Variants in ADGRB3 observed in about 807,000 individuals in gnomAD.
The protein encoded by ADGRB3 is brain-specific angiogenesis inhibitor 3.
Under a neutral mutation model 193.4 loss-of-function variants are expected in ADGRB3, and 37 were observed. The observed-to-expected ratio is 0.19, with a 90% CI of 0.15 to 0.25. ADGRB3 has a LOEUF of 0.25. ADGRB3 is among the 10% of genes least tolerant of loss of function. ADGRB3 has a pLI of 1.00. For synonymous variants in ADGRB3, 690 were observed against 644.2 expected (o/e 1.07, Z -1.08); for missense variants, 1,637 against 1,852.9 (o/e 0.88, Z 2.14).
chr6:69,362,993 G>A (rs1769485205), intron 29 of ADGRB3, among the ~76,000 whole-genome samples: 3 of 151,922 alleles, frequency 2.0e-5, no homozygotes, highest in South Asian at 4.1e-4. Flanking sequence ...TCTTTTAAAT[G>A]TGTTAAAGGG....
chr6:69,230,071 G>T (rs762970362), intron 17 of ADGRB3, among the ~76,000 whole-genome samples: 5 of 152,116 alleles, frequency 3.3e-5, no homozygotes, highest in Non-Finnish European at 5.9e-5. Context: ...AGAATGGGTT[G>T]TATGGAATTT....
chr6:69,373,013 CAATTTACATTG>C (rs1361848822), intron 30 of ADGRB3, among the ~76,000 whole-genome samples: 1 of 151,806 alleles, frequency 6.6e-6, no homozygotes, highest in African/African-American at 2.4e-5. Context: ...TTTCATTTTC[CAATTTACATTG>C]AATTTATATT....
chr6:69,312,206 A>G (rs1055543020), intron 20 of ADGRB3, among the ~76,000 whole-genome samples: 2 of 151,730 alleles, frequency 1.3e-5, no homozygotes, highest in African/African-American at 2.4e-5. Flanking sequence ...TGGAGTTTCT[A>G]TATCATTATT....
chr6:69,218,448 A>G (rs1424364474), intron 17 of ADGRB3, among the ~76,000 whole-genome samples: 1 of 152,206 alleles, frequency 6.6e-6, no homozygotes, highest in Non-Finnish European at 1.5e-5. Context: ...GAGAAGGTGC[A>G]TAAATGTGAA....
At chr6:68,867,711 C>A (rs1765335590) in intron 3 of ADGRB3, among the ~76,000 whole-genome samples, 3 of 152,174 alleles carry the variant, frequency 2.0e-5, no homozygotes, top group Admixed American at 2.0e-4. Flanking sequence ...CTGCCCAAGG[C>A]TTTGGGAGGC....
At chr6:69,135,329 GC>G (rs1774121179) in intron 17 of ADGRB3, among the ~76,000 whole-genome samples, 1 of 151,206 alleles carries the variant, frequency 6.6e-6, no homozygotes, top group African/African-American at 2.4e-5. Context: ...ATTACAGCAA[GC>G]CTCTTTAAAT....
intron 17 of ADGRB3, among the ~76,000 whole-genome samples, chr6:69,207,128 A>C (rs1396238032): frequency 1.3e-5 from 2 of 152,124 alleles, no homozygotes; most frequent in African/African-American, 4.8e-5. Flanking sequence ...GAGGAGCCCA[A>C]AGTCTTAACT....
At chr6:68,949,068 T>A (rs201712003) in intron 6 of ADGRB3, among the ~76,000 whole-genome samples, 2 of 152,120 alleles carry the variant, frequency 1.3e-5, no homozygotes, top group Non-Finnish European at 2.9e-5. Context: ...CTTTGAATAG[T>A]AAAAAATCGA....
intron 17 of ADGRB3, among the ~76,000 whole-genome samples, chr6:69,219,022 C>G (rs553502593): frequency 6.6e-6 from 1 of 152,130 alleles, no homozygotes; most frequent in Admixed American, 6.5e-5. Flanking sequence ...CTCAGTCTGT[C>G]TCTTAGAGTG....
intron 15 of ADGRB3, among the ~76,000 whole-genome samples, chr6:69,057,276 T>C (rs1771571653): frequency 6.6e-6 from 1 of 152,126 alleles, no homozygotes; most frequent in African/African-American, 2.4e-5. Context: ...GTTCTTTAAT[T>C]ATAACAAGAT....
rs190861458 is a variant in ADGRB3, at chr6:68,845,497, T to C, written c.758-85062T>C. On this transcript the variant is annotated intron_variant, in intron 3 of 31. Transcript: ENST00000370598. ...TGGTTTGGCTGTGTCCCCATCCAAA[T>C]CTGAACTTGAATTGTATCTCCCAGA... Among the ~76,000 whole-genome samples the C allele has an allele frequency of 2.0e-5, 3 of 152,242 alleles. No individual in the cohort carries two copies. In the East Asian group the frequency reaches 5.8e-4, roughly 29 times the overall value.
chr6:69,088,523 C>A lies in ADGRB3; in HGVS notation c.2480+12485C>A, dbSNP rs994554678. ...AAGTAGCTGGGACTACAGGCAGGTG[C>A]CACCACGCCTGGCTAATTTTTTGTA... On this transcript the variant is annotated intron_variant, in intron 17 of 31. Coordinates refer to ENST00000370598, the MANE Select transcript of ADGRB3 (RefSeq NM_001704.3). Among the ~76,000 whole-genome samples, 19 of 152,192 alleles carry A rather than the reference C, an allele frequency of 1.2e-4. No individual in the cohort carries two copies. The East Asian group carries it at 2.7e-3, about 22-fold the overall frequency.
chr6:68,906,603 C>A (rs1562080615), intron 3 of ADGRB3, among the ~76,000 whole-genome samples: 1 of 151,900 alleles, frequency 6.6e-6, no homozygotes, highest in African/African-American at 2.4e-5. Flanking sequence ...AATCCAATTG[C>A]ATTCTGAGTG....
intron 16 of ADGRB3, among the ~76,000 whole-genome samples, chr6:69,066,701 T>C (rs999500557): frequency 2.6e-5 from 4 of 152,112 alleles, no homozygotes; most frequent in Non-Finnish European, 4.4e-5. Context: ...TATATGGTCT[T>C]TAGTGCTTAA....
intron 3 of ADGRB3, among the ~76,000 whole-genome samples, chr6:68,912,339 C>CT (rs554634991): frequency 6.6e-6 from 1 of 150,920 alleles, no homozygotes; most frequent in African/African-American, 2.4e-5. Flanking sequence ...TATTCATCTT[C>CT]TTTTTTTATT....
At chr6:68,894,645 A>C (rs1415259825) in intron 3 of ADGRB3, among the ~76,000 whole-genome samples, 1 of 151,970 alleles carries the variant, frequency 6.6e-6, no homozygotes, top group Non-Finnish European at 1.5e-5. Context: ...GTATAGAAAA[A>C]AAATTGCATT....
chr6:68,933,893 GCTAGA>G (rs1489262418), intron 4 of ADGRB3, among the ~76,000 whole-genome samples: 7 of 152,082 alleles, frequency 4.6e-5, no homozygotes, highest in Non-Finnish European at 7.4e-5. Flanking sequence ...TGTGTTTCAT[GCTAGA>G]CTAAAGAGCT....
rs555793645 is a variant in ADGRB3 at position 68,934,395 on chromosome 6, C to T, written c.869-2124C>T. ...CAACCCAAATGTTTAAATACTTGTA[C>T]GAAAGTAATTTAAATATAGGGCTTG... On this transcript the variant is annotated intron_variant, in intron 4 of 31. Coordinates refer to ENST00000370598, the MANE Select transcript of ADGRB3 (RefSeq NM_001704.3). Among the ~76,000 whole-genome samples the T allele has an allele frequency of 3.3e-5, 5 of 152,120 alleles. No individual in the cohort carries two copies. In the East Asian group the frequency reaches 5.8e-4, roughly 18 times the overall value.
rs3839475 is a variant in ADGRB3 at position 69,219,461 on chromosome 6, GTATATATATATATATATATA to G, written c.2481-13816_2481-13797del. On this transcript the variant is annotated intron_variant, in intron 17 of 31. Coordinates refer to ENST00000370598, the MANE Select transcript of ADGRB3 (RefSeq NM_001704.3). ...CTTTAACTTAAAAATACACACACAC[GTATATATATATATATATATA>G]TATATATATATACGTGTGTGTGTAT... Among the ~76,000 whole-genome samples the G allele has an allele frequency of 7.1e-3, 701 of 98,968 alleles. 19 individuals are homozygous for G. Among genetic ancestry groups the G allele is most frequent in the African/African-American group, 0.02 (638 of 31,230 alleles). The allele number at this position is 98,968 out of a possible 152,430, so 64.9% of individuals were successfully genotyped here.
Sources: gnomAD v4.1 joint callset for allele counts (sites outside exome capture counted in the v4.1 genomes callset) on GRCh38, gnomAD v4.1.1 for gene constraint, MANE v1.5 for transcripts, NCBI Gene and HGNC (gene_info 2026-07-23, HGNC 2026-07-21) for gene names.